The following SLC12A2 variants were observed in gnomAD, a reference collection of about 807,000 sequenced individuals.
SLC12A2 encodes the protein Na-K-2Cl cotransporter 1.
A neutral mutation model predicts 136.3 loss-of-function variants in SLC12A2; 67 were observed. That is an observed-to-expected ratio of 0.49 (90% confidence interval 0.40 to 0.60). SLC12A2 has a LOEUF of 0.60. SLC12A2 is among the 20% of genes least tolerant of loss of function. The pLI is 0.00. For synonymous variants in SLC12A2, 619 were observed against 562.9 expected (o/e 1.10, Z -1.41); for missense variants, 1,322 against 1,534.7 (o/e 0.86, Z 2.32).
chr5:128,176,550 T>A (rs1763548382), intron 20 of SLC12A2, among the ~76,000 whole-genome samples: 1 of 151,948 alleles, frequency 6.6e-6, no homozygotes, highest in Non-Finnish European at 1.5e-5. Context: ...ATATATAAAT[T>A]TATATATGTG....
intron 1 of SLC12A2, among the ~76,000 whole-genome samples, chr5:128,105,264 C>T (rs1050315885): frequency 2.6e-5 from 4 of 152,174 alleles, no homozygotes; most frequent in Non-Finnish European, 4.4e-5. Flanking sequence ...CCGTCACTTA[C>T]GACTTAACAC....
In SLC12A2 at chr5:128,167,768, G is replaced by A; in HGVS notation, c.2624G>A (p.Gly875Asp). Reference protein sequence around the residue: ...EGAQYLMQAAGLGRMKPNTLV... With the variant: ...EGAQYLMQAADLGRMKPNTLV... ...ATTGACCCTATATTTTAGGCTGCTG[G>A]TCTTGGTCGTATGAAGCCAAACACA... Residue 875 changes from glycine (G) to aspartate (D), a missense_variant, in exon 18 of 27, where the codon GGT (glycine) becomes GAT (aspartate). Coordinates refer to ENST00000262461, the MANE Select transcript of SLC12A2 (RefSeq NM_001046.3). 1.2e-6 allele frequency: 2 copies of A among 1,603,168 alleles called. No homozygotes were observed. The highest frequency in any genetic ancestry group is 8.5e-7 in the Non-Finnish European group (1 of 1,175,458).
intron 18 of SLC12A2, chr5:128,169,346 C>T (rs1312558733): frequency 1.3e-5 from 2 of 152,184 alleles, no homozygotes; most frequent in African/African-American, 2.4e-5. Context: ...CTTACTGGAA[C>T]TCCTGTTGTA....
chr5:128,166,871 T>C (rs566806235), intron 17 of SLC12A2, among the ~76,000 whole-genome samples: 14 of 152,232 alleles, frequency 9.2e-5, no homozygotes, highest in African/African-American at 3.1e-4. Flanking sequence ...ATCTTGGAAA[T>C]AGAATTTTCT....
intron 22 of SLC12A2, 70 bp downstream of exon 22, chr5:128,178,759 G>A (rs563167194): frequency 3.4e-5 from 42 of 1,247,700 alleles, no homozygotes; most frequent in Admixed American, 8.6e-5. Context: ...GAAATGACAT[G>A]CACTCTTTAC....
chr5:128,110,538 G>T, intron 1 of SLC12A2: 1 of 1,381,772 alleles, frequency 7.2e-7, no homozygotes, highest in Non-Finnish European at 1.0e-6. Context: ...GTCCCATTGT[G>T]AAACACATTT....
chr5:128,096,983 C>G (rs1046502696), intron 1 of SLC12A2, among the ~76,000 whole-genome samples: 6 of 152,104 alleles, frequency 3.9e-5, no homozygotes, highest in African/African-American at 1.4e-4. Flanking sequence ...ACATCTTCAT[C>G]TAGCATAAAT....
At chr5:128,097,418 A>T (rs890318991) in intron 1 of SLC12A2, among the ~76,000 whole-genome samples, 2 of 151,956 alleles carry the variant, frequency 1.3e-5, no homozygotes, top group Non-Finnish European at 2.9e-5. Context: ...ATAACTTGCC[A>T]TTTCATGCTC....
chr5:128,186,202 A>G (rs930996423), intron 26 of SLC12A2, among the ~76,000 whole-genome samples: 1 of 152,172 alleles, frequency 6.6e-6, no homozygotes, highest in African/African-American at 2.4e-5. Context: ...TGTGTCATAT[A>G]GCCTAGATGT....
chr5:128,180,884 T>C lies in SLC12A2; in HGVS notation c.3102T>C (p.Gly1034=). 5 of 1,546,414 alleles carry C rather than the reference T, an allele frequency of 3.2e-6. No individual in the cohort carries two copies. Among genetic ancestry groups the C allele is most frequent in the Non-Finnish European group, 4.5e-6 (5 of 1,121,086 alleles). ...IDVWWLFDDG[G]LTLLIPYLLT... ...ATTTATTACATTTTTATAATTCAGGTTTGACCTTATTGATACCTTACCTTC... is the reference window on the plus strand; with the variant it reads ...ATTTATTACATTTTTATAATTCAGGCTTGACCTTATTGATACCTTACCTTC... Residue 1034 remains glycine (G), a splice_region_variant and synonymous_variant, in exon 23 of 27, where the codon GGT becomes GGC. Coordinates refer to ENST00000262461, the MANE Select transcript of SLC12A2 (RefSeq NM_001046.3).
At chr5:128,172,117 G>A (rs1026207604) in intron 19 of SLC12A2, among the ~76,000 whole-genome samples, 1 of 152,116 alleles carries the variant, frequency 6.6e-6, no homozygotes, top group Non-Finnish European at 1.5e-5. Flanking sequence ...ATGAAAGTAT[G>A]CTTTGTACAG....
chr5:128,151,387 A>C lies in SLC12A2; in HGVS notation c.2254A>C (p.Lys752Gln). 1.2e-6 allele frequency: 2 copies of C among 1,608,158 alleles called. No individual in the cohort carries two copies. Among genetic ancestry groups the C allele is most frequent in the Non-Finnish European group, 1.7e-6 (2 of 1,178,400 alleles). The part of the protein sequence containing the change: ...VLGLYIYVTY[K>Q]KPDVNWGSST... ...TGGGCTGTATATTTATGTTACCTAC[A>C]AAAAACCAGGTCAGTAGCCTTTTTT... is the stretch of plus-strand genomic sequence containing the variant. Residue 752 changes from lysine (K) to glutamine (Q), a missense_variant, in exon 14 of 27, where the codon AAA becomes CAA. Transcript: ENST00000262461.
chr5:128,153,069 C>T (rs762590805), intron 15 of SLC12A2, among the ~76,000 whole-genome samples: 2 of 152,066 alleles, frequency 1.3e-5, no homozygotes, highest in Non-Finnish European at 2.9e-5. Flanking sequence ...ATTAAAGTTA[C>T]GTAACTGTGT....
intron 1 of SLC12A2, among the ~76,000 whole-genome samples, chr5:128,089,600 A>G (rs1182527339): frequency 2.6e-5 from 4 of 152,192 alleles, no homozygotes; most frequent in Admixed American, 2.6e-4. Flanking sequence ...GAGTTGAATG[A>G]TTATATAACT....
At chr5:128,182,692 T>A (rs981429912) in intron 23 of SLC12A2, among the ~76,000 whole-genome samples, 163 bp from the exon 24 acceptor site, 4 of 152,100 alleles carry the variant, frequency 2.6e-5, no homozygotes, top group African/African-American at 4.8e-5. Context: ...CTCAGTGAAT[T>A]TAAGTCTACT....
chr5:128,137,687 A>G (rs1762229009), intron 7 of SLC12A2, among the ~76,000 whole-genome samples: 1 of 152,226 alleles, frequency 6.6e-6, no homozygotes, highest in Non-Finnish European at 1.5e-5. Context: ...TTGAATGGAT[A>G]GATGGATACA....
chr5:128,183,089 C>G (rs747559232), intron 24 of SLC12A2, 148 bp downstream of exon 24: 3 of 546,250 alleles, frequency 5.5e-6, no homozygotes, highest in African/African-American at 1.9e-5. Flanking sequence ...AGTTGGCATG[C>G]ATATATCAGA....
In SLC12A2 at chr5:128,151,456, C is replaced by G. The variant is rs913213206; in HGVS notation, c.2263+60C>G. 3.5e-6 allele frequency: 5 copies of G among 1,413,416 alleles called. No individual in the cohort carries two copies. The Admixed American group carries it at 7.2e-5, about 20-fold the overall frequency. 87.6% of individuals were successfully genotyped at this position (1,413,416 alleles called of 1,614,324 possible). A position where few individuals can be genotyped will look rare whatever the true frequency, so the allele number is the denominator to read the frequency against. ...AAAACATCTAGAAGCTAGAAAACAT[C>G]TAGAAGTTCTTTGTTATTTTTCATT... On this transcript the variant is annotated intron_variant, in intron 14 of 26. Transcript: ENST00000262461.
chr5:128,168,645 T>C (rs1390974289), intron 18 of SLC12A2: 1 of 152,242 alleles, frequency 6.6e-6, no homozygotes, highest in African/African-American at 2.4e-5. Context: ...GGCAGTCCCG[T>C]CTGGGGGTGA....
Sources: gnomAD v4.1 joint callset for allele counts (sites outside exome capture counted in the v4.1 genomes callset) on GRCh38, gnomAD v4.1.1 for gene constraint, MANE v1.5 for transcripts, NCBI Gene and HGNC (gene_info 2026-07-23, HGNC 2026-07-21) for gene names.